Variants in REV1 observed in about 807,000 individuals in gnomAD.
The protein encoded by REV1 is translesion synthesis protein REV1.
In REV1, 42 loss-of-function variants were observed where a neutral mutation model predicts 137.4. The ratio of observed to expected loss-of-function variants is 0.31; its 90% confidence interval spans 0.24 to 0.40. The LOEUF is 0.40. Among genes scored for constraint, REV1 ranks in the 10% least tolerant of loss-of-function variants. REV1 has a pLI of 1.00. For synonymous variants in REV1, 524 were observed against 519.2 expected (o/e 1.01, Z -0.12); for missense variants, 1,282 against 1,490.1 (o/e 0.86, Z 2.30).
intron 1 of REV1, among the ~76,000 whole-genome samples, chr2:99,470,624 T>C (rs1685309804): frequency 6.6e-6 from 1 of 152,262 alleles, no homozygotes; most frequent in African/African-American, 2.4e-5. Context: ...AAGGTGTTTT[T>C]ACCTTTCTCT....
At chr2:99,406,164 C>T in intron 16 of REV1, 58 bp from the exon 17 acceptor site, 2 of 1,453,510 alleles carry the variant, frequency 1.4e-6, no homozygotes, top group Non-Finnish European at 1.8e-6. Flanking sequence ...GGCCTTTAAT[C>T]CTCTGTCCAT....
intron 2 of REV1, 67 bp from the exon 3 acceptor site, chr2:99,462,689 A>C: frequency 3.3e-6 from 5 of 1,513,182 alleles, no homozygotes; most frequent in Non-Finnish European, 4.5e-6. Context: ...TTGAAAAAAA[A>C]AAATTTTAAA....
chr2:99,443,282 G>C (rs1261126684), intron 4 of REV1, among the ~76,000 whole-genome samples: 1 of 151,914 alleles, frequency 6.6e-6, no homozygotes, highest in Non-Finnish European at 1.5e-5. Context: ...AACAACCTCT[G>C]GATTTTAAAC....
intron 3 of REV1, among the ~76,000 whole-genome samples, chr2:99,459,542 C>G (rs1280291815): frequency 6.6e-6 from 1 of 151,928 alleles, no homozygotes; most frequent in Non-Finnish European, 1.5e-5. Context: ...CTTGTCTCTA[C>G]AAAAAATTAA....
In REV1 at chr2:99,474,824, C is replaced by T. The variant is rs545024172; in HGVS notation, c.-10-9839G>A. 2.0e-5 allele frequency among the ~76,000 whole-genome samples: 3 copies of T among 151,876 alleles called. No homozygotes were observed. In the East Asian group the frequency reaches 5.8e-4, roughly 29 times the overall value. On this transcript the variant is annotated intron_variant, in intron 1 of 22. Transcript: ENST00000258428. ...GACTGAGGCACGACAATCACTTGAA[C>T]GCGGTAGGCAGAGGTTGCAATGAGC... is the stretch of plus-strand genomic sequence containing the variant.
intron 14 of REV1, 77 bp from the exon 15 acceptor site, chr2:99,408,208 T>C (rs1000888410): frequency 8.3e-6 from 6 of 719,634 alleles, no homozygotes; most frequent in African/African-American, 7.3e-5. Context: ...TGGAACTGTT[T>C]AAAAGAGTTA....
chr2:99,402,406 T>G, intron 21 of REV1, 60 bp from the exon 22 acceptor site: 1 of 884,878 alleles, frequency 1.1e-6, no homozygotes, highest in Non-Finnish European at 1.8e-6. Flanking sequence ...AAGTCAGAGA[T>G]CTGCATGGAT....
intron 9 of REV1, among the ~76,000 whole-genome samples, chr2:99,425,990 C>G (rs768183034): frequency 4.0e-5 from 6 of 151,368 alleles, no homozygotes; most frequent in Admixed American, 6.6e-5. Flanking sequence ...GAGCCGAGAT[C>G]GCGCCATTAC....
At chr2:99,464,600 C>T (rs1684595987) in intron 2 of REV1, among the ~76,000 whole-genome samples, 1 of 152,146 alleles carries the variant, frequency 6.6e-6, no homozygotes, top group Non-Finnish European at 1.5e-5. Flanking sequence ...ACACAGATAA[C>T]TTATTTGACC....
intron 4 of REV1, among the ~76,000 whole-genome samples, chr2:99,445,283 A>G (rs529298944): frequency 1.4e-3 from 217 of 152,348 alleles, no homozygotes; most frequent in Non-Finnish European, 2.5e-3. Flanking sequence ...AGCACATGAC[A>G]AACGTATATG....
chr2:99,478,566 C>T (rs561116417), intron 1 of REV1, among the ~76,000 whole-genome samples: 13 of 152,266 alleles, frequency 8.5e-5, no homozygotes, highest in Admixed American at 8.5e-4. Context: ...AAATGATTAT[C>T]TGTAGAAAAG....
At position 99,421,550 on chromosome 2, in the gene REV1, C is replaced by T; in HGVS notation, c.1780G>A (p.Val594Ile). Residue 594 changes from valine to isoleucine, a missense_variant, in exon 11 of 23, where the codon GTT becomes ATT. Coordinates refer to ENST00000258428, the MANE Select transcript of REV1 (RefSeq NM_016316.4). ...GTCTGGTCTTTGATTTCCATACGAA[C>T]AGCATTTGCAAATTCATCAGGAGTA... The part of the protein sequence containing the change: ...KLTPDEFANA[V>I]RMEIKDQTKC... 2 of 1,614,070 alleles carry T rather than the reference C, an allele frequency of 1.2e-6. No individual in the cohort carries two copies. The highest frequency in any genetic ancestry group is 1.7e-6 in the Non-Finnish European group (2 of 1,179,970).
chr2:99,460,504 T>C (rs1658115328), intron 3 of REV1, among the ~76,000 whole-genome samples: 1 of 152,212 alleles, frequency 6.6e-6, no homozygotes, highest in African/African-American at 2.4e-5. Flanking sequence ...AGCTGACCAG[T>C]ACTCCTCAAG....
At chr2:99,403,613 A>G in intron 19 of REV1, 82 bp downstream of exon 19, 1 of 1,588,784 alleles carries the variant, frequency 6.3e-7, no homozygotes, top group Admixed American at 1.7e-5. Context: ...GACTTTGCCC[A>G]TTATATACTG....
intron 1 of REV1, among the ~76,000 whole-genome samples, chr2:99,488,980 T>C (rs1306401177): frequency 3.9e-5 from 6 of 152,210 alleles, no homozygotes; most frequent in Non-Finnish European, 8.8e-5. Context: ...TAAAGAGAAT[T>C]AGCAGACGTA....
intron 10 of REV1, among the ~76,000 whole-genome samples, chr2:99,423,373 T>C (rs763464072): frequency 2.0e-5 from 3 of 152,198 alleles, no homozygotes; most frequent in Non-Finnish European, 4.4e-5. Context: ...AGTAAATGCA[T>C]TTTTACTGGA....
At chr2:99,403,334 A>G in intron 19 of REV1, 3 of 580,738 alleles carry the variant, frequency 5.2e-6, no homozygotes, top group East Asian at 5.7e-5. Flanking sequence ...TTGCTCATCT[A>G]TGATGGGTAG....
At chr2:99,435,986 T>C in intron 6 of REV1, 45 bp from the exon 7 acceptor site, 1 of 1,039,972 alleles carries the variant, frequency 9.6e-7, no homozygotes, top group Middle Eastern at 2.0e-4. Context: ...TAATTTTTAC[T>C]ATTTAAAACA....
intron 1 of REV1, among the ~76,000 whole-genome samples, chr2:99,473,218 A>C (rs1361170886): frequency 1.3e-5 from 2 of 152,134 alleles, no homozygotes; most frequent in African/African-American, 4.8e-5. Flanking sequence ...CAAAAAAAAT[A>C]TTAGCTGGGA....
Sources: gnomAD v4.1 joint callset for allele counts (sites outside exome capture counted in the v4.1 genomes callset) on GRCh38, gnomAD v4.1.1 for gene constraint, MANE v1.5 for transcripts, NCBI Gene and HGNC (gene_info 2026-07-23, HGNC 2026-07-21) for gene names.